Variants in PACRG observed in about 807,000 individuals in gnomAD.
PACRG encodes the protein parkin coregulated.
PACRG carries 29 observed loss-of-function variants against 29.7 expected under a neutral mutation model. The observed-to-expected ratio is 0.98, with a 90% CI of 0.73 to 1.33. PACRG has a LOEUF of 1.33. Among genes scored for constraint, PACRG ranks in the 40% most tolerant of loss-of-function variants. The pLI, the probability that PACRG is intolerant of heterozygous loss-of-function variation, is 0.00. For missense variants in PACRG, 279 were observed against 316.2 expected, an observed-to-expected ratio of 0.88 and a Z score of 0.89; for synonymous variants, 116 against 118.7, an observed-to-expected ratio of 0.98 and a Z score of 0.15.
In PACRG at chr6:163,292,934, C is replaced by T. The variant is rs541688488; in HGVS notation, c.614-21893C>T. Among the ~76,000 whole-genome samples, 6 of 152,220 alleles carry T rather than the reference C, an allele frequency of 3.9e-5. No individual in the cohort carries two copies. In the East Asian group the frequency reaches 5.8e-4, roughly 15 times the overall value. ...TGTTACCTTCTGATCAATGAGCAGG[C>T]GATCTCACAAACTTGCAAGGATTTT... is the stretch of plus-strand genomic sequence containing the variant. On this transcript the variant is annotated intron_variant, in intron 4 of 4. Coordinates refer to ENST00000366888, the MANE Select transcript of PACRG (RefSeq NM_001080379.2).
At chr6:163,169,865 A>C (rs1189067828) in intron 4 of PACRG, among the ~76,000 whole-genome samples, 1 of 152,192 alleles carries the variant, frequency 6.6e-6, no homozygotes, top group Non-Finnish European at 1.5e-5. Context: ...GGAGGCCGGC[A>C]GTCCAGGGTC....
rs139784185 is a variant in PACRG at position 163,071,762 on chromosome 6, T to C, written c.463+9441T>C. Among the ~76,000 whole-genome samples the C allele has an allele frequency of 7.0e-3, 1,045 of 150,190 alleles. 12 individuals carry two copies. The highest frequency in any genetic ancestry group is 0.024 in the African/African-American group (994 of 40,950). On this transcript the variant is annotated intron_variant, in intron 3 of 4. Transcript: ENST00000366888. ...AAAAAAGGAAACATTACAACTGATA[T>C]CACTGAAATTCAAAGGATCATTGGT...
intron 4 of PACRG, among the ~76,000 whole-genome samples, chr6:163,207,148 G>T (rs527908283): frequency 1.2e-4 from 19 of 152,088 alleles, no homozygotes; most frequent in Non-Finnish European, 1.9e-4. Flanking sequence ...GATTTCAGTC[G>T]CAGAACACAC....
intron 1 of PACRG, among the ~76,000 whole-genome samples, chr6:162,757,980 A>C (rs994120130): frequency 6.6e-6 from 1 of 152,144 alleles, no homozygotes; most frequent in Non-Finnish European, 1.5e-5. Context: ...TGAGGTTGTC[A>C]ATAGTACGAA....
At chr6:162,985,468 C>G (rs143222457) in intron 2 of PACRG, among the ~76,000 whole-genome samples, 2,700 of 152,124 alleles carry the variant, frequency 0.018, 70 homozygotes, top group African/African-American at 0.061. Flanking sequence ...ATGATCATCT[C>G]AATAGATGCA....
intron 1 of PACRG, among the ~76,000 whole-genome samples, chr6:162,812,593 A>C (rs1424540364): frequency 1.4e-5 from 2 of 146,984 alleles, no homozygotes; most frequent in Non-Finnish European, 3.0e-5. Flanking sequence ...GGCAACATAA[A>C]AATTTGTCAA....
In PACRG at chr6:162,773,402, G is replaced by A. The variant is rs529938648; in HGVS notation, c.157-40745G>A. ...TAGCACGAATACTTTAAAAATAGAT[G>A]TAGATATTAATAATACTAGATAATT... On this transcript the variant is annotated intron_variant, in intron 1 of 4. Transcript: ENST00000366888. Among the ~76,000 whole-genome samples the A allele has an allele frequency of 2.0e-5, 3 of 148,714 alleles. No homozygotes were observed. In the East Asian group the frequency reaches 6.1e-4, roughly 30 times the overall value.
At chr6:162,782,128 CAG>C (rs1164826039) in intron 1 of PACRG, among the ~76,000 whole-genome samples, 30 of 151,808 alleles carry the variant, frequency 2.0e-4, no homozygotes, top group Admixed American at 1.9e-3. Flanking sequence ...GAGTATCAAA[CAG>C]TGGATTTCAG....
intron 2 of PACRG, among the ~76,000 whole-genome samples, chr6:162,910,086 C>T (rs549009429): frequency 6.6e-6 from 1 of 152,266 alleles, no homozygotes; most frequent in South Asian, 2.1e-4. Context: ...CCTTCTGTGC[C>T]TCTGTTTTCT....
At chr6:162,913,138 G>A (rs570323463) in intron 2 of PACRG, among the ~76,000 whole-genome samples, 1 of 152,006 alleles carries the variant, frequency 6.6e-6, no homozygotes, top group African/African-American at 2.4e-5. Flanking sequence ...AATGAAATAC[G>A]GTAAATCACA....
At chr6:162,874,886 C>T in intron 2 of PACRG, among the ~76,000 whole-genome samples, 1 of 152,048 alleles carries the variant, frequency 6.6e-6, no homozygotes, top group East Asian at 1.9e-4. Flanking sequence ...CACCCATTAA[C>T]ACACTTACAT....
intron 2 of PACRG, among the ~76,000 whole-genome samples, chr6:162,971,401 A>G (rs1320798896): frequency 2.0e-5 from 3 of 152,224 alleles, no homozygotes; most frequent in Admixed American, 6.5e-5. Flanking sequence ...AGCCTCTTAC[A>G]ACCACAGCGG....
chr6:163,046,155 A>G (rs930885335), intron 2 of PACRG, among the ~76,000 whole-genome samples: 1 of 151,124 alleles, frequency 6.6e-6, no homozygotes, highest in Non-Finnish European at 1.5e-5. Flanking sequence ...TATCTTGACT[A>G]TGCTGTGCTC....
At chr6:163,018,713 T>G (rs1806328767) in intron 2 of PACRG, among the ~76,000 whole-genome samples, 1 of 152,196 alleles carries the variant, frequency 6.6e-6, no homozygotes, top group Non-Finnish European at 1.5e-5. Context: ...AATTCTCCAG[T>G]AATACGGCCT....
At chr6:163,285,592 C>T (rs992795916) in intron 4 of PACRG, among the ~76,000 whole-genome samples, 4 of 152,148 alleles carry the variant, frequency 2.6e-5, no homozygotes, top group African/African-American at 9.7e-5. Context: ...AGATATTTGC[C>T]AGAGAAGCAA....
At chr6:163,296,587 C>T (rs1021757873) in intron 4 of PACRG, among the ~76,000 whole-genome samples, 7 of 152,230 alleles carry the variant, frequency 4.6e-5, no homozygotes, top group Non-Finnish European at 7.3e-5. Flanking sequence ...TGAGCCACTG[C>T]GCCCAGCCCA....
chr6:162,787,163 C>T lies in PACRG; in HGVS notation c.157-26984C>T, dbSNP rs1784523458. ...GCTCCTCTGTGCTTTATTTCTCACCCTGTCAGACTGAGAAGAGCTACCAAT... is the reference window on the plus strand; with the variant it reads ...GCTCCTCTGTGCTTTATTTCTCACCTTGTCAGACTGAGAAGAGCTACCAAT... On this transcript the variant is annotated intron_variant, in intron 1 of 4. Transcript: ENST00000366888. Among the ~76,000 whole-genome samples the T allele has an allele frequency of 2.6e-5, 4 of 152,180 alleles. No individual in the cohort carries two copies. In the South Asian group the frequency reaches 8.3e-4, roughly 32 times the overall value.
In PACRG at chr6:162,757,389, G is replaced by A. The variant is rs144216363; in HGVS notation, c.156+28998G>A. On this transcript the variant is annotated intron_variant, in intron 1 of 4. Transcript: ENST00000366888. Reference sequence around the variant, plus strand: ...ATGGGGGCCACACACTGTGGCTCACGCCTGTAATCCCAGCACTTTGGGAGG... The same window carrying A: ...ATGGGGGCCACACACTGTGGCTCACACCTGTAATCCCAGCACTTTGGGAGG... 3.6e-3 allele frequency among the ~76,000 whole-genome samples: 542 copies of A among 152,242 alleles called. 3 individuals carry two copies. Among genetic ancestry groups the A allele is most frequent in the African/African-American group, 0.012 (504 of 41,532 alleles).
intron 1 of PACRG, among the ~76,000 whole-genome samples, chr6:162,767,160 C>T (rs1160154814): frequency 6.6e-6 from 1 of 151,812 alleles, no homozygotes; most frequent in Non-Finnish European, 1.5e-5. Flanking sequence ...TTGAATTGTC[C>T]ATATGTTCTA....
Sources: gnomAD v4.1 joint callset for allele counts (sites outside exome capture counted in the v4.1 genomes callset) on GRCh38, gnomAD v4.1.1 for gene constraint, MANE v1.5 for transcripts, NCBI Gene and HGNC (gene_info 2026-07-23, HGNC 2026-07-21) for gene names.